The following AMMECR1 variants were observed in gnomAD, a reference collection of about 807,000 sequenced individuals.
AMMECR1 encodes the protein AMMECR nuclear protein 1.
A neutral mutation model predicts 22.5 loss-of-function variants in AMMECR1; 3 were observed. The ratio of observed to expected loss-of-function variants is 0.13; its 90% CI spans 0.06 to 0.35. The LOEUF (loss-of-function observed/expected upper bound fraction) is 0.35. Among genes scored for constraint, AMMECR1 ranks in the 10% least tolerant of loss-of-function variants. The pLI, the probability that AMMECR1 is intolerant of heterozygous loss-of-function variation, is 1.00. For synonymous variants in AMMECR1, 130 were observed against 116.7 expected, an observed-to-expected ratio of 1.11 and a Z score of -0.74; for missense variants, 235 against 278.7, an observed-to-expected ratio of 0.84 and a Z score of 1.12.
At chrX:110,411,864 T>C (rs992533545) in intron 2 of AMMECR1, among the ~76,000 whole-genome samples, 3 of 112,659 alleles carry the variant, frequency 2.7e-5, no homozygotes, top group Non-Finnish European at 5.6e-5. Context: ...AGGTTTTGCT[T>C]ACTCACTATT....
chrX:110,380,474 A>G (rs1490731619), intron 2 of AMMECR1, among the ~76,000 whole-genome samples: 2 of 112,424 alleles, frequency 1.8e-5, no homozygotes, highest in Non-Finnish European at 3.8e-5. Context: ...AAAACATTCC[A>G]CACTCATTAA....
Position 110,407,420 on chromosome X carries a change from T to A in AMMECR1, c.-148+19238A>T, listed in dbSNP as rs191758338. 1.6e-3 allele frequency among the ~76,000 whole-genome samples: 182 copies of A among 111,857 alleles called. 1 individual carries two copies. In the East Asian group the frequency reaches 0.042, roughly 26 times the overall value. On this transcript the variant is annotated intron_variant, in intron 2 of 7. Coordinates refer to the AMMECR1 transcript ENST00000372057. The stretch of plus-strand genomic sequence containing the variant: ...AATATATAGGATAGGACAGGTAAGG[T>A]CAGCAGAAGCCACTTTTCAGCACAT...
At chrX:110,404,329 T>G (rs1443775440) in intron 2 of AMMECR1, among the ~76,000 whole-genome samples, 1 of 111,778 alleles carries the variant, frequency 8.9e-6, no homozygotes, top group African/African-American at 3.3e-5. Context: ...TGTGGCCTAG[T>G]GCTTAGGATA....
At chrX:110,426,634 G>T (rs996400107) in intron 2 of AMMECR1, 28 of 112,272 alleles carry the variant, frequency 2.5e-4, no homozygotes, top group African/African-American at 8.4e-4. Flanking sequence ...TTGTTAAAAT[G>T]ATGAAAGAAT....
intron 2 of AMMECR1, among the ~76,000 whole-genome samples, chrX:110,352,990 C>T (rs2068216756): frequency 8.9e-6 from 1 of 112,349 alleles, no homozygotes; most frequent in Non-Finnish European, 1.9e-5. Context: ...ATTCACTTAG[C>T]ACAATGCCAG....
chrX:110,343,036 C>A (rs1017902185), intron 2 of AMMECR1, among the ~76,000 whole-genome samples: 6 of 111,004 alleles, frequency 5.4e-5, no homozygotes, highest in African/African-American at 2.0e-4. Flanking sequence ...AGAGACACAA[C>A]AAAAAAAGAG....
chrX:110,343,957 T>C (rs1338234840), intron 2 of AMMECR1, among the ~76,000 whole-genome samples: 1 of 110,903 alleles, frequency 9.0e-6, no homozygotes, highest in Non-Finnish European at 1.9e-5. Flanking sequence ...CCCATCAAGC[T>C]ACCAATGACT....
chrX:110,406,230 T>C (rs933706894), intron 2 of AMMECR1, among the ~76,000 whole-genome samples: 2 of 110,037 alleles, frequency 1.8e-5, no homozygotes, highest in East Asian at 5.7e-4. Context: ...CTACATTAGG[T>C]ATTTCTCCTA....
chrX:110,275,906 GCTT>G (rs781169821), intron 1 of AMMECR1, among the ~76,000 whole-genome samples: 1 of 111,582 alleles, frequency 9.0e-6, no homozygotes, highest in East Asian at 2.8e-4. Context: ...GATACATTGA[GCTT>G]CTTAGATTTA....
At chrX:110,407,030 C>G (rs2068607279) in intron 2 of AMMECR1, among the ~76,000 whole-genome samples, 1 of 111,536 alleles carries the variant, frequency 9.0e-6, no homozygotes, top group African/African-American at 3.3e-5. Flanking sequence ...GTGTTTTCTC[C>G]TTTTCCTCGG....
At chrX:110,430,070 C>G (rs745718293) in intron 1 of AMMECR1, among the ~76,000 whole-genome samples, 1 of 112,252 alleles carries the variant, frequency 8.9e-6, no homozygotes, top group African/African-American at 3.2e-5. Context: ...CCAAGTGCAT[C>G]AGGGCACTAT....
At chrX:110,216,720 A>G in intron 2 of AMMECR1, 88 bp from the exon 3 acceptor site, 1 of 562,405 alleles carries the variant, frequency 1.8e-6, no homozygotes, top group Non-Finnish European at 2.9e-6. Flanking sequence ...AAAAGGTAAG[A>G]GTTTCAAAAA....
chrX:110,386,160 C>T (rs2068453454), intron 2 of AMMECR1, among the ~76,000 whole-genome samples: 1 of 110,415 alleles, frequency 9.1e-6, no homozygotes, highest in Admixed American at 9.6e-5. Flanking sequence ...AGTGGAATTG[C>T]TGGATCATAT....
chrX:110,268,154 A>G (rs1364182941), intron 1 of AMMECR1, among the ~76,000 whole-genome samples: 2 of 112,124 alleles, frequency 1.8e-5, no homozygotes, highest in Admixed American at 9.5e-5. Flanking sequence ...ACTGTGGACT[A>G]TGTGTTCTCA....
At chrX:110,313,123 C>T (rs1268676920) in intron 1 of AMMECR1, among the ~76,000 whole-genome samples, 1 of 111,898 alleles carries the variant, frequency 8.9e-6, no homozygotes, top group African/African-American at 3.3e-5. Context: ...ATGCCTACTC[C>T]CCAACACAAC....
intron 3 of AMMECR1, among the ~76,000 whole-genome samples, chrX:110,209,481 G>T (rs1247282798): frequency 8.9e-6 from 1 of 112,097 alleles, no homozygotes; most frequent in Non-Finnish European, 1.9e-5. Context: ...ATGGCTTAGA[G>T]CATTTTTCTT....
At chrX:110,425,997 C>G (rs777587643) in intron 2 of AMMECR1, among the ~76,000 whole-genome samples, 2 of 110,863 alleles carry the variant, frequency 1.8e-5, no homozygotes, top group African/African-American at 6.7e-5. Context: ...CACACACACA[C>G]AAACGCACAC....
intron 2 of AMMECR1, among the ~76,000 whole-genome samples, chrX:110,217,091 CAT>C (rs757608838): frequency 5.2e-4 from 56 of 107,129 alleles, no homozygotes; most frequent in African/African-American, 1.9e-3. Flanking sequence ...CAAACATACA[CAT>C]ATATACAATA....
upstream of AMMECR1, among the ~76,000 whole-genome samples, chrX:110,319,727 A>G (rs1377112577): frequency 3.6e-5 from 4 of 112,261 alleles, no homozygotes; most frequent in African/African-American, 9.7e-5. Context: ...ATTAAACCTC[A>G]GAAGTAATTT....
Sources: allele counts gnomAD v4.1 joint callset (sites outside exome capture counted in the v4.1 genomes callset), GRCh38; gene constraint gnomAD v4.1.1; transcripts MANE v1.5; gene names NCBI Gene and HGNC (gene_info 2026-07-23, HGNC 2026-07-21).